The following R3HDM1 variants were observed in gnomAD, a reference collection of about 807,000 sequenced individuals.
R3HDM1 encodes R3H domain-containing protein 1.
Under a neutral mutation model 141.1 loss-of-function variants are expected in R3HDM1, and 46 were observed. The ratio of observed to expected loss-of-function variants is 0.33; its 90% confidence interval spans 0.26 to 0.42. The LOEUF is 0.42. Ranked by LOEUF, R3HDM1 falls within the 10% of genes least tolerant of loss-of-function variation. The pLI is 1.00. For missense variants in R3HDM1, 1,184 were observed against 1,368.3 expected (o/e 0.87, Z 2.12); for synonymous variants, 435 against 472.9 (o/e 0.92, Z 1.04).
chr2:135,723,315 G>C (rs2105474322), intron 26 of R3HDM1, among the ~76,000 whole-genome samples: 1 of 151,424 alleles, frequency 6.6e-6, no homozygotes, highest in South Asian at 2.1e-4. Flanking sequence ...TAGAGACGGG[G>C]TTTCACCATG....
Position 135,616,730 on chromosome 2 carries a change from T to G in R3HDM1, c.276T>G (p.Pro92=). 1 of 1,608,174 alleles carries G rather than the reference T, an allele frequency of 6.2e-7. No homozygotes were observed. Among genetic ancestry groups the G allele is most frequent in the Non-Finnish European group, 8.5e-7 (1 of 1,176,178 alleles). The change falls in exon 5 of 27, where the codon CCT becomes CCG. Residue 92 remains proline, a synonymous_variant. Coordinates refer to ENST00000683871, the MANE Select transcript of R3HDM1 (RefSeq NM_001378107.1). The stretch of plus-strand genomic sequence containing the variant: ...TGTGTGAAGAATCTCCACCACCCCC[T>G]GCACCAGAGATATCACAGGAGAACC... ...LAVCEESPPP[P]APEISQENQE... is the part of the protein sequence containing the mutation.
rs144692885 is a variant in R3HDM1, at chr2:135,708,825, G to A, written c.2460-608G>A. Among the ~76,000 whole-genome samples, 297 of 152,014 alleles carry A rather than the reference G, an allele frequency of 2.0e-3. 1 individual carries two copies. The Middle Eastern group carries it at 0.037, about 19-fold the overall frequency. The stretch of plus-strand genomic sequence containing the variant: ...AATGCAAAAAGTAGCCGGGTGTGGT[G>A]GCAGACACCTGTAATCTCAGCTACT... On this transcript the variant is annotated intron_variant, in intron 21 of 26. Transcript: ENST00000683871.
intron 1 of R3HDM1, among the ~76,000 whole-genome samples, chr2:135,569,992 C>G (rs1164926887): frequency 6.6e-6 from 1 of 152,180 alleles, no homozygotes; most frequent in African/African-American, 2.4e-5. Context: ...TCCCAAAGTG[C>G]TGGGATTACA....
chr2:135,616,254 C>G, intron 4 of R3HDM1, 61 bp downstream of exon 4: 6 of 1,489,670 alleles, frequency 4.0e-6, no homozygotes, highest in Non-Finnish European at 5.6e-6. Context: ...TTGATGAATC[C>G]TTGTTTTCAT....
intron 15 of R3HDM1, among the ~76,000 whole-genome samples, chr2:135,644,419 C>T (rs975772021): frequency 6.6e-6 from 1 of 152,006 alleles, no homozygotes; most frequent in African/African-American, 2.4e-5. Flanking sequence ...AGGAGAATTG[C>T]TTGAACCCGG....
chr2:135,659,507 T>C (rs2066413987), intron 18 of R3HDM1, among the ~76,000 whole-genome samples: 1 of 151,968 alleles, frequency 6.6e-6, no homozygotes, highest in African/African-American at 2.4e-5. Context: ...GTGCAATCAC[T>C]GCTCACTGCA....
At chr2:135,703,304 C>T (rs573959793) in intron 21 of R3HDM1, among the ~76,000 whole-genome samples, 1 of 152,164 alleles carries the variant, frequency 6.6e-6, no homozygotes, top group Non-Finnish European at 1.5e-5. Context: ...GGCAAGATTT[C>T]CAGCCCAGCT....
At chr2:135,616,288 C>T in intron 4 of R3HDM1, 95 bp downstream of exon 4, 1 of 1,256,068 alleles carries the variant, frequency 8.0e-7, no homozygotes, top group Non-Finnish European at 1.1e-6. Context: ...CAGTTTAGTT[C>T]TTCCATATTT....
intron 9 of R3HDM1, among the ~76,000 whole-genome samples, chr2:135,633,411 C>T (rs1396257018): frequency 6.6e-6 from 1 of 152,110 alleles, no homozygotes; most frequent in Non-Finnish European, 1.5e-5. Context: ...CTAAGGTTTT[C>T]AATACAGTGT....
At chr2:135,616,027 C>G in intron 3 of R3HDM1, 125 bp from the exon 4 acceptor site, 3 of 849,636 alleles carry the variant, frequency 3.5e-6, no homozygotes, top group Non-Finnish European at 5.3e-6. Flanking sequence ...CTGAAACCAA[C>G]TTTGATTTCC....
At chr2:135,648,395 C>T (rs938304893) in intron 16 of R3HDM1, among the ~76,000 whole-genome samples, 1 of 152,116 alleles carries the variant, frequency 6.6e-6, no homozygotes, top group Non-Finnish European at 1.5e-5. Flanking sequence ...TCTTAGTTGA[C>T]ATAGAAGTTC....
At chr2:135,699,921 A>T (rs2073987303) in intron 21 of R3HDM1, among the ~76,000 whole-genome samples, 1 of 152,226 alleles carries the variant, frequency 6.6e-6, no homozygotes, top group Non-Finnish European at 1.5e-5. Flanking sequence ...CAACTTGAAC[A>T]CAAAAAGTAG....
chr2:135,707,033 G>T (rs1467931471), intron 21 of R3HDM1, among the ~76,000 whole-genome samples: 1 of 151,896 alleles, frequency 6.6e-6, no homozygotes, highest in Non-Finnish European at 1.5e-5. Context: ...CCTCCTGGAC[G>T]GGGCGGCTGG....
intron 18 of R3HDM1, among the ~76,000 whole-genome samples, chr2:135,655,236 G>A (rs1339139835): frequency 6.6e-6 from 1 of 152,082 alleles, no homozygotes; most frequent in Non-Finnish European, 1.5e-5. Flanking sequence ...TCTTTTTCAA[G>A]TATATATCTA....
At position 135,576,701 on chromosome 2, in the gene R3HDM1, A is replaced by G. The variant is rs952079185; in HGVS notation, c.-249-25799A>G. On this transcript the variant is annotated intron_variant, in intron 1 of 26. Coordinates refer to ENST00000683871, the MANE Select transcript of R3HDM1 (RefSeq NM_001378107.1). ...AAGAAAAGCAGTGATACATGCTACA[A>G]TGTGGGTGAAACTTGAAAACATTAT... Among the ~76,000 whole-genome samples the G allele has an allele frequency of 2.6e-5, 4 of 152,236 alleles. No individual in the cohort carries two copies. In the South Asian group the frequency reaches 6.2e-4, roughly 24 times the overall value.
chr2:135,531,986 T>A (rs1333988607), intron 1 of R3HDM1, among the ~76,000 whole-genome samples: 2 of 152,128 alleles, frequency 1.3e-5, no homozygotes, highest in African/African-American at 4.8e-5. Flanking sequence ...AGGGGAAAGG[T>A]TTCCGAGTCC....
At chr2:135,623,897 C>T (rs1437380659) in intron 7 of R3HDM1, among the ~76,000 whole-genome samples, 1 of 152,118 alleles carries the variant, frequency 6.6e-6, no homozygotes, top group Non-Finnish European at 1.5e-5. Context: ...GGGCCACAAC[C>T]TCTGAAAGGA....
chr2:135,583,901 G>A, intron 1 of R3HDM1: 1 of 985,350 alleles, frequency 1.0e-6, no homozygotes, highest in African/African-American at 1.7e-5. Flanking sequence ...ATTCAGATGG[G>A]TATTATCTTT....
chr2:135,629,989 T>C (rs1048028436), intron 7 of R3HDM1, among the ~76,000 whole-genome samples: 4 of 149,120 alleles, frequency 2.7e-5, no homozygotes, highest in Admixed American at 6.7e-5. Context: ...AGTAGAAAAA[T>C]AGATCAAAAG....
Sources: gnomAD v4.1 joint callset for allele counts (sites outside exome capture counted in the v4.1 genomes callset) on GRCh38, gnomAD v4.1.1 for gene constraint, MANE v1.5 for transcripts, NCBI Gene and HGNC (gene_info 2026-07-23, HGNC 2026-07-21) for gene names.